Variants in ATP8A2 observed in about 807,000 individuals in gnomAD.
ATP8A2 encodes phospholipid-transporting ATPase IB.
Under a neutral mutation model 165.6 loss-of-function variants are expected in ATP8A2, and 100 were observed. The observed-to-expected ratio is 0.60, with a 90% CI of 0.51 to 0.71. ATP8A2 has a LOEUF of 0.71. Ranked by LOEUF, ATP8A2 falls within the 30% of genes least tolerant of loss-of-function variation. The pLI is 0.00. For synonymous variants in ATP8A2, 543 were observed against 548.8 expected, an observed-to-expected ratio of 0.99 and a Z score of 0.15; for missense variants, 1,227 against 1,479.5, an observed-to-expected ratio of 0.83 and a Z score of 2.80.
At chr13:25,790,856 G>T (rs911334317) in intron 27 of ATP8A2, among the ~76,000 whole-genome samples, 6 of 152,118 alleles carry the variant, frequency 3.9e-5, no homozygotes, top group African/African-American at 1.4e-4. Flanking sequence ...AGTCAGAATG[G>T]CTATTATTAA....
intron 1 of ATP8A2, among the ~76,000 whole-genome samples, chr13:25,412,884 G>A (rs532999853): frequency 2.0e-5 from 3 of 152,264 alleles, no homozygotes; most frequent in African/African-American, 4.8e-5. Flanking sequence ...GCAGTGGCAC[G>A]ATCTTGGCTC....
chr13:25,817,701 T>C (rs1288672425), intron 27 of ATP8A2, among the ~76,000 whole-genome samples: 2 of 152,094 alleles, frequency 1.3e-5, no homozygotes, highest in African/African-American at 2.4e-5. Context: ...TTTTGTTTTG[T>C]TTTTTGTTTT....
At chr13:25,515,721 A>G (rs140797351) in intron 2 of ATP8A2, among the ~76,000 whole-genome samples, 1 of 152,304 alleles carries the variant, frequency 6.6e-6, no homozygotes, top group East Asian at 1.9e-4. Flanking sequence ...CCATTTTACA[A>G]TTGTCAGTCT....
chr13:25,616,560 G>C (rs1213764901), intron 24 of ATP8A2, among the ~76,000 whole-genome samples: 1 of 151,998 alleles, frequency 6.6e-6, no homozygotes, highest in African/African-American at 2.4e-5. Context: ...TCGAACTCCT[G>C]ACCTCAGGCA....
chr13:25,696,525 C>G (rs1238043610), intron 24 of ATP8A2, among the ~76,000 whole-genome samples: 1 of 152,228 alleles, frequency 6.6e-6, no homozygotes, highest in South Asian at 2.1e-4. Flanking sequence ...GGCGAACTTG[C>G]TGCAGCTTCC....
chr13:25,412,318 G>A (rs965819417), intron 1 of ATP8A2, among the ~76,000 whole-genome samples: 2 of 93,300 alleles, frequency 2.1e-5, no homozygotes, highest in Admixed American at 2.4e-4. Context: ...GTATTCAAGA[G>A]TGAGAAATTG....
At chr13:25,402,866 T>G (rs568852789) in intron 1 of ATP8A2, among the ~76,000 whole-genome samples, 1 of 152,300 alleles carries the variant, frequency 6.6e-6, no homozygotes, top group South Asian at 2.1e-4. Context: ...CCCACAGTTC[T>G]GGAGGCTAGG....
intron 1 of ATP8A2, among the ~76,000 whole-genome samples, chr13:25,390,657 C>T (rs2033210993): frequency 6.6e-6 from 1 of 152,152 alleles, no homozygotes; most frequent in Non-Finnish European, 1.5e-5. Flanking sequence ...CGGCCAGGTG[C>T]AGTGGCTCAC....
intron 2 of ATP8A2, among the ~76,000 whole-genome samples, chr13:25,485,186 C>A (rs2036313777): frequency 6.6e-6 from 1 of 152,186 alleles, no homozygotes; most frequent in Non-Finnish European, 1.5e-5. Flanking sequence ...TGACTGTCAG[C>A]TGTCATGCAG....
chr13:25,951,668 A>G (rs968678551), intron 33 of ATP8A2, among the ~76,000 whole-genome samples: 3 of 152,178 alleles, frequency 2.0e-5, no homozygotes, highest in Non-Finnish European at 4.4e-5. Flanking sequence ...GGGGATGTAT[A>G]TGCTTGTTAA....
intron 24 of ATP8A2, among the ~76,000 whole-genome samples, chr13:25,698,355 C>A (rs371191450): frequency 5.9e-4 from 89 of 152,036 alleles, no homozygotes; most frequent in African/African-American, 2.1e-3. Flanking sequence ...AGAGTAGCTG[C>A]GACTACAGAC....
rs1464196778 is a variant in ATP8A2 at position 25,469,039 on chromosome 13, G to T, written c.139G>T (p.Val47Phe). 6.2e-7 allele frequency: 1 copy of T among 1,614,118 alleles called. No homozygotes were observed. Among genetic ancestry groups the T allele is most frequent in the South Asian group, 1.1e-5 (1 of 91,092 alleles). ...GGATGAGATGTCCCGGGCCACGTCT[G>T]TTGGAGACCAGCTGGAGGCACCCGC... Reference protein sequence around the residue: ...AEDEMSRATSVGDQLEAPART... With the variant: ...AEDEMSRATSFGDQLEAPART... The change falls in exon 2 of 37, where the codon GTT becomes TTT. Residue 47 changes from valine (V) to phenylalanine (F), a missense_variant. Physicochemically the swap from Val to Phe is conservative, Grantham distance 50. Around this residue, in one of 5 missense-constraint regions of ATP8A2, gnomAD observed 356 missense variants for 394.9 expected, o/e 0.90. Coordinates refer to ENST00000381655, the MANE Select transcript of ATP8A2 (RefSeq NM_016529.6).
In ATP8A2 at chr13:25,959,904, A is replaced by C. The variant is rs576995580; in HGVS notation, c.3184-1671A>C. Among the ~76,000 whole-genome samples the C allele has an allele frequency of 2.6e-5, 4 of 152,310 alleles. No homozygotes were observed. The South Asian group carries it at 8.3e-4, about 32-fold the overall frequency. On this transcript the variant is annotated intron_variant, in intron 33 of 36. Coordinates refer to ENST00000381655, the MANE Select transcript of ATP8A2 (RefSeq NM_016529.6). Reference sequence around the variant, plus strand: ...TGAGAGATGTAATTGATGGGGCAAAATGTACTCACACATTTTTAAGGGTTG... The same window carrying C: ...TGAGAGATGTAATTGATGGGGCAAACTGTACTCACACATTTTTAAGGGTTG...
chr13:25,788,320 A>C (rs1047888518), intron 27 of ATP8A2, among the ~76,000 whole-genome samples: 5 of 152,386 alleles, frequency 3.3e-5, no homozygotes, highest in African/African-American at 1.2e-4. Context: ...TCGATAGACC[A>C]TACAATTATG....
chr13:25,889,128 A>C (rs532661978), intron 33 of ATP8A2, among the ~76,000 whole-genome samples: 1 of 151,306 alleles, frequency 6.6e-6, no homozygotes, highest in East Asian at 2.0e-4. Flanking sequence ...TTCAGACAGT[A>C]ATTTATTTGT....
chr13:25,703,234 T>C (rs760455052), intron 25 of ATP8A2, among the ~76,000 whole-genome samples: 6 of 151,974 alleles, frequency 3.9e-5, no homozygotes, highest in Non-Finnish European at 7.4e-5. Context: ...CGCACACCAC[T>C]ATGCCCAACT....
chr13:25,990,025 C>T (rs1374011382), intron 35 of ATP8A2, among the ~76,000 whole-genome samples: 1 of 152,212 alleles, frequency 6.6e-6, no homozygotes, highest in East Asian at 1.9e-4. Flanking sequence ...CAGCGCCTCC[C>T]TTCCCCTTCC....
chr13:25,808,182 T>G (rs1364851892), intron 27 of ATP8A2, among the ~76,000 whole-genome samples: 4 of 150,558 alleles, frequency 2.7e-5, no homozygotes, highest in African/African-American at 7.3e-5. Context: ...CAGGCTGGAG[T>G]GCAGTGCCAC....
rs191336200 is a variant in ATP8A2 at position 25,637,896 on chromosome 13, C to T, written c.2211+48197C>T. Among the ~76,000 whole-genome samples, 514 of 152,294 alleles carry T rather than the reference C, an allele frequency of 3.4e-3. 1 individual carries two copies. The highest frequency in any genetic ancestry group is 0.01 in the Admixed American group (153 of 15,298). The stretch of plus-strand genomic sequence containing the variant: ...TGACACCTCACACGGCCGGGTACCC[C>T]TCTGAGACGAAGCTTCCAGAGGAAT... On this transcript the variant is annotated intron_variant, in intron 24 of 36. Coordinates refer to ENST00000381655, the MANE Select transcript of ATP8A2 (RefSeq NM_016529.6).
Sources: allele counts gnomAD v4.1 joint callset (sites outside exome capture counted in the v4.1 genomes callset), GRCh38; gene constraint gnomAD v4.1.1; regional missense constraint gnomAD v4.1.1; transcripts MANE v1.5; gene names NCBI Gene and HGNC (gene_info 2026-07-23, HGNC 2026-07-21).